The following SLC35F4 variants were observed in gnomAD, a reference collection of about 807,000 sequenced individuals.
SLC35F4 encodes solute carrier family 35 member F4, also known as chromosome 14 open reading frame 36.
A neutral mutation model predicts 44.2 loss-of-function variants in SLC35F4; 24 were observed. The observed-to-expected ratio is 0.54, with a 90% confidence interval of 0.39 to 0.76. The LOEUF (loss-of-function observed/expected upper bound fraction) is 0.76. SLC35F4 is among the 30% of genes least tolerant of loss of function. The probability of loss-of-function intolerance (pLI) is 0.00; values close to 1 mark genes in which losing one functional copy is unlikely to be tolerated. For synonymous variants in SLC35F4, 238 were observed against 223.6 expected (o/e 1.06, Z -0.57); for missense variants, 562 against 586.1 (o/e 0.96, Z 0.42).
chr14:57,624,877 C>A (rs2072393276), intron 1 of SLC35F4, among the ~76,000 whole-genome samples: 1 of 152,138 alleles, frequency 6.6e-6, no homozygotes, highest in South Asian at 2.1e-4. Context: ...TGGAAGCATT[C>A]CCTTTGAAAA....
At chr14:57,591,298 G>C (rs975784068) in intron 2 of SLC35F4, among the ~76,000 whole-genome samples, 1 of 152,174 alleles carries the variant, frequency 6.6e-6, no homozygotes, top group African/African-American at 2.4e-5. Context: ...GAGGAGCTGG[G>C]GGGGATATGA....
intron 1 of SLC35F4, among the ~76,000 whole-genome samples, chr14:57,937,584 AAG>A (rs1889824824): frequency 3.4e-5 from 4 of 116,958 alleles, no homozygotes; most frequent in Non-Finnish European, 5.6e-5. Flanking sequence ...GAGAAAAGAA[AAG>A]AAAGAAAAGA....
At chr14:57,979,694 T>C (rs1028457) in intron 1 of SLC35F4, among the ~76,000 whole-genome samples, 56,323 of 152,186 alleles carry the variant, frequency 0.37, 11,121 homozygotes, top group African/African-American at 0.52. Flanking sequence ...AAGCCAGTGC[T>C]AAGATGCACT....
intron 1 of SLC35F4, among the ~76,000 whole-genome samples, chr14:57,676,914 C>A (rs1001039545): frequency 3.9e-5 from 6 of 151,992 alleles, no homozygotes; most frequent in Non-Finnish European, 8.8e-5. Context: ...ACTACTGGGA[C>A]CTACCCAGAG....
intron 1 of SLC35F4, among the ~76,000 whole-genome samples, chr14:57,958,529 A>T (rs1890282730): frequency 6.7e-6 from 1 of 149,612 alleles, no homozygotes; most frequent in African/African-American, 2.5e-5. Context: ...CTGCTAGTGG[A>T]TACAGAGTTT....
At chr14:57,776,735 T>A (rs1180519667) in intron 1 of SLC35F4, among the ~76,000 whole-genome samples, 1 of 145,506 alleles carries the variant, frequency 6.9e-6, no homozygotes, top group Non-Finnish European at 1.5e-5. Context: ...GGGACACCCA[T>A]AAGACTAACA....
intron 1 of SLC35F4, among the ~76,000 whole-genome samples, chr14:57,612,132 C>T (rs1566681844): frequency 1.3e-5 from 2 of 152,122 alleles, no homozygotes; most frequent in Admixed American, 6.5e-5. Context: ...ACACCTATAA[C>T]CCCAGCAACT....
chr14:57,859,064 C>A (rs1887436302), intron 1 of SLC35F4, among the ~76,000 whole-genome samples: 1 of 151,976 alleles, frequency 6.6e-6, no homozygotes, highest in Non-Finnish European at 1.5e-5. Context: ...ATAATTGCAC[C>A]ACTGCACTAC....
At chr14:57,564,921 T>C (rs555709045) in intron 7 of SLC35F4, among the ~76,000 whole-genome samples, 5 of 152,296 alleles carry the variant, frequency 3.3e-5, no homozygotes, top group Admixed American at 2.6e-4. Flanking sequence ...CCCCAGCCCT[T>C]AGCAACCACC....
chr14:57,794,614 G>A (rs1226978373), intron 1 of SLC35F4, among the ~76,000 whole-genome samples: 2 of 152,016 alleles, frequency 1.3e-5, no homozygotes, highest in Non-Finnish European at 2.9e-5. Flanking sequence ...TAGTAGCCTT[G>A]ACTACTGAAT....
chr14:57,731,208 T>C (rs7146716), intron 1 of SLC35F4, among the ~76,000 whole-genome samples: 3,756 of 152,174 alleles, frequency 0.025, 92 homozygotes, highest in African/African-American at 0.062. Context: ...CAAGACACAC[T>C]AAAGGTGGGG....
At chr14:57,880,825 AGAGCAGACTCCTCG>A (rs1378631613) in intron 1 of SLC35F4, among the ~76,000 whole-genome samples, 1 of 152,206 alleles carries the variant, frequency 6.6e-6, no homozygotes, top group African/African-American at 2.4e-5. Flanking sequence ...CACCAAGAGC[AGAGCAGACTCCTCG>A]AAGAGGAACT....
intron 1 of SLC35F4, among the ~76,000 whole-genome samples, chr14:57,827,599 T>C (rs1333546081): frequency 6.6e-6 from 1 of 152,096 alleles, no homozygotes; most frequent in African/African-American, 2.4e-5. Flanking sequence ...CCAATACCTA[T>C]AAAGATGGAA....
chr14:57,707,921 G>C (rs962463481), intron 1 of SLC35F4, among the ~76,000 whole-genome samples: 1 of 152,162 alleles, frequency 6.6e-6, no homozygotes, highest in African/African-American at 2.4e-5. Flanking sequence ...TAGGAATTCA[G>C]TTTATGGTTA....
At chr14:57,877,213 T>C (rs974347939) in intron 1 of SLC35F4, among the ~76,000 whole-genome samples, 1 of 152,188 alleles carries the variant, frequency 6.6e-6, no homozygotes, top group South Asian at 2.1e-4. Context: ...TTTGTGTCCA[T>C]GTATATTCAG....
chr14:57,717,940 A>G (rs2075985873), intron 1 of SLC35F4, among the ~76,000 whole-genome samples: 1 of 152,212 alleles, frequency 6.6e-6, no homozygotes, highest in East Asian at 1.9e-4. Context: ...GCTATCAAAT[A>G]CTATTGATAG....
At chr14:57,733,498 T>C (rs2076395703) in intron 1 of SLC35F4, among the ~76,000 whole-genome samples, 1 of 151,900 alleles carries the variant, frequency 6.6e-6, no homozygotes, top group Non-Finnish European at 1.5e-5. Context: ...GCTTTTTTTT[T>C]CAGCTTAGAA....
At chr14:57,937,211 G>T (rs1889813502) in intron 1 of SLC35F4, among the ~76,000 whole-genome samples, 1 of 152,188 alleles carries the variant, frequency 6.6e-6, no homozygotes, top group South Asian at 2.1e-4. Flanking sequence ...GGGATTACAG[G>T]CATGCGCCAC....
chr14:57,800,296 GAAAAA>G (rs887998012), intron 1 of SLC35F4, among the ~76,000 whole-genome samples: 3 of 152,108 alleles, frequency 2.0e-5, no homozygotes, highest in African/African-American at 7.2e-5. Flanking sequence ...ACTGTTAAAA[GAAAAA>G]CAAACAGAAA....
Sources: gnomAD v4.1 joint callset for allele counts (sites outside exome capture counted in the v4.1 genomes callset) on GRCh38, gnomAD v4.1.1 for gene constraint, MANE v1.5 for transcripts, NCBI Gene and HGNC (gene_info 2026-07-23, HGNC 2026-07-21) for gene names.